The following CEP72 variants were observed in gnomAD, a reference collection of about 807,000 sequenced individuals.
The protein encoded by CEP72 is centrosomal protein of 72 kDa.
In CEP72, 78 loss-of-function variants were observed where a neutral mutation model predicts 65.7. The observed-to-expected ratio is 1.19, with a 90% CI of 0.99 to 1.43. The LOEUF (loss-of-function observed/expected upper bound fraction) is 1.43, where lower values mean the gene tolerates loss of function less well. Ranked by LOEUF, CEP72 falls within the 40% of genes most tolerant of loss-of-function variation. The probability of loss-of-function intolerance (pLI) is 0.00; values close to 1 mark genes in which losing one functional copy is unlikely to be tolerated. For synonymous variants in CEP72, 358 were observed against 351.7 expected (o/e 1.02, Z -0.20); for missense variants, 914 against 832.9 (o/e 1.10, Z -1.20).
intron 1 of CEP72, among the ~76,000 whole-genome samples, chr5:616,071 A>G (rs1445533309): frequency 6.6e-6 from 1 of 152,098 alleles, no homozygotes; most frequent in African/African-American, 2.4e-5. Context: ...ACTCAGGAGG[A>G]AACATATTTA....
At position 640,015 on chromosome 5, in the gene CEP72, C is replaced by T. The variant is rs55767701; in HGVS notation, c.1343-393C>T. ...TGTGGGAGCCTCCTGAGCTTGCCAT[C>T]GTCGGTGGCGGGGGGACTGTCCCAG... On this transcript the variant is annotated intron_variant, in intron 8 of 11. Transcript: ENST00000264935. 9.5e-3 allele frequency among the ~76,000 whole-genome samples: 1,445 copies of T among 152,308 alleles called. 25 individuals are homozygous for T. The highest frequency in any genetic ancestry group is 0.033 in the African/African-American group (1,385 of 41,568).
downstream of CEP72, among the ~76,000 whole-genome samples, chr5:670,462 G>A (rs962914654): frequency 7.9e-5 from 12 of 152,230 alleles, no homozygotes; most frequent in African/African-American, 2.6e-4. Flanking sequence ...CTGAGAGAGA[G>A]GGGCTGCGGC....
chr5:666,671 G>C (rs1739929700), intron 4 of CEP72, among the ~76,000 whole-genome samples: 1 of 151,648 alleles, frequency 6.6e-6, no homozygotes, highest in South Asian at 2.1e-4. Context: ...TCTGGCCTCA[G>C]AGGTGCAGAG....
At chr5:674,075 G>A in the CEP72 span, among the ~76,000 whole-genome samples, 119 of 152,252 alleles carry the variant, frequency 7.8e-4, no homozygotes, top group African/African-American at 2.6e-3. Context: ...ACATGGGGCC[G>A]GCCCTGCAGG....
chr5:612,491 T>TGGGGGGGGGGGGGGGG, intron 1 of CEP72, 48 bp downstream of exon 1: 6 of 567,018 alleles, frequency 1.1e-5, no homozygotes, highest in Non-Finnish European at 1.6e-5. Context: ...GGCGGGGGGG[T>TGGGGGGGGGGGGGGGG]GGGTGCCGAG....
rs79493668 is a variant in CEP72, at chr5:628,141, G to A, written c.512+3562G>A. Among the ~76,000 whole-genome samples, 844 of 152,338 alleles carry A rather than the reference G, an allele frequency of 5.5e-3. 9 individuals carry two copies. The highest frequency in any genetic ancestry group is 0.019 in the African/African-American group (793 of 41,572). On this transcript the variant is annotated intron_variant, in intron 4 of 11. Transcript: ENST00000264935. Reference sequence around the variant, plus strand: ...AGGGTTAGTGATTGACACGCCCGCCGGGTCGTCTTTGTGGACATTCAGACT... The same window carrying A: ...AGGGTTAGTGATTGACACGCCCGCCAGGTCGTCTTTGTGGACATTCAGACT...
chr5:671,781 A>C (rs1740232496), downstream of CEP72, among the ~76,000 whole-genome samples: 1 of 152,080 alleles, frequency 6.6e-6, no homozygotes, highest in Admixed American at 6.5e-5. Flanking sequence ...CTCCCCAAAG[A>C]CAGAACTGGC....
intron 9 of CEP72, chr5:642,151 C>A: frequency 1.1e-6 from 1 of 905,620 alleles, no homozygotes; most frequent in South Asian, 4.9e-5. Context: ...TTTGAACACA[C>A]GTGGTCCCCC....
At chr5:619,505 G>T (rs1736236388) in intron 2 of CEP72, among the ~76,000 whole-genome samples, 1 of 152,156 alleles carries the variant, frequency 6.6e-6, no homozygotes, top group Non-Finnish European at 1.5e-5. Context: ...GGATGCGCCT[G>T]CCCTGAGCCC....
chr5:651,747 G>A (rs1453927297), intron 11 of CEP72, among the ~76,000 whole-genome samples: 1 of 151,996 alleles, frequency 6.6e-6, no homozygotes, highest in Non-Finnish European at 1.5e-5. Context: ...CAGTTTTGTG[G>A]GTGCTGCTGT....
At chr5:643,072 G>T (rs1738163944) in intron 9 of CEP72, 1 of 983,252 alleles carries the variant, frequency 1.0e-6, no homozygotes, top group Admixed American at 6.2e-5. Flanking sequence ...TAAAAAATTA[G>T]GTGTGGTGGC....
chr5:658,350 C>A (rs1036065741), downstream of CEP72, among the ~76,000 whole-genome samples: 1 of 152,240 alleles, frequency 6.6e-6, no homozygotes, highest in Admixed American at 6.5e-5. Flanking sequence ...CTCCCGGCCT[C>A]CTCCCCTTGC....
At chr5:664,855 C>T in intron 2 of CEP72, 1 of 526,782 alleles carries the variant, frequency 1.9e-6, no homozygotes, top group Non-Finnish European at 3.4e-6. Context: ...TTGGAAATGG[C>T]TGAGGACGAG....
intron 6 of CEP72, among the ~76,000 whole-genome samples, 183 bp from the exon 7 acceptor site, chr5:637,334 C>T (rs1279667207): frequency 6.6e-6 from 1 of 152,136 alleles, no homozygotes; most frequent in Non-Finnish European, 1.5e-5. Context: ...CTGCATGTGC[C>T]TTTGTGCAGG....
intron 11 of CEP72, among the ~76,000 whole-genome samples, chr5:649,756 T>C (rs1296459218): frequency 7.0e-5 from 3 of 43,146 alleles, no homozygotes; most frequent in African/African-American, 1.2e-4. Flanking sequence ...GACTGTGAGG[T>C]GTGACTGTGA....
chr5:624,544 C>T lies in CEP72; in HGVS notation c.477C>T (p.Ser159=). The T allele has an allele frequency of 6.2e-7, 1 of 1,613,814 alleles. No homozygotes were observed. The highest frequency in any genetic ancestry group is 1.3e-5 in the African/African-American group (1 of 75,048). ...LHFASEDSLD[S]KESVPASLKE... ...TTGCATCAGAGGACTCACTCGACTC[C>T]AAAGAGAGCGTCCCAGCTTCTTTGA... Residue 159 remains serine (S), a synonymous_variant, in exon 4 of 12, where the codon TCC becomes TCT. Coordinates refer to ENST00000264935, the MANE Select transcript of CEP72 (RefSeq NM_018140.4). This position sits in a 1 kb window ranked among gnomAD's most constrained non-coding sequence, Gnocchi z 4.7.
intron 11 of CEP72, among the ~76,000 whole-genome samples, chr5:650,346 GCGTGGAC>G (rs1738920002): frequency 4.7e-5 from 6 of 128,950 alleles, no homozygotes; most frequent in Non-Finnish European, 8.3e-5. Flanking sequence ...TGACTGTGAG[GCGTGGAC>G]TGTGAGGTGT....
chr5:627,574 C>T (rs1330748187), intron 4 of CEP72, among the ~76,000 whole-genome samples: 2 of 152,168 alleles, frequency 1.3e-5, no homozygotes, highest in Non-Finnish European at 2.9e-5. Flanking sequence ...CAAAAAAGCT[C>T]ATTCTGATAC....
downstream of CEP72, chr5:667,254 G>GA (rs1454696378): frequency 6.6e-6 from 1 of 152,232 alleles, no homozygotes; most frequent in Non-Finnish European, 1.5e-5. Context: ...AGCCCAGGGG[G>GA]AGTCTGGCTC....
Sources: gnomAD v4.1 joint callset for allele counts (sites outside exome capture counted in the v4.1 genomes callset) on GRCh38, gnomAD v4.1.1 for gene constraint, Gnocchi (gnomAD v3.1) non-coding constraint, MANE v1.5 for transcripts, NCBI Gene and HGNC (gene_info 2026-07-23, HGNC 2026-07-21) for gene names.